The following WDR33 variants were observed in gnomAD, a reference collection of about 807,000 sequenced individuals.
WDR33 encodes pre-mRNA 3' end processing protein WDR33.
A neutral mutation model predicts 164.9 loss-of-function variants in WDR33; 47 were observed. That is an observed-to-expected ratio of 0.29 (90% confidence interval 0.23 to 0.36). The LOEUF is 0.36. Among genes scored for constraint, WDR33 ranks in the 10% least tolerant of loss-of-function variants. The probability of loss-of-function intolerance (pLI) is 1.00; values close to 1 mark genes in which losing one functional copy is unlikely to be tolerated. For synonymous variants in WDR33, 505 were observed against 589.0 expected (o/e 0.86, Z 2.06); for missense variants, 1,137 against 1,754.1 (o/e 0.65, Z 6.28).
chr2:127,723,129 ACTG>A lies in WDR33; in HGVS notation c.1292-88_1292-86del. ...TTAATGCTTTATAAAAATGAATGTC[ACTG>A]ATGATTTATAAATAAATCTACTATA... is the stretch of plus-strand genomic sequence containing the variant. On this transcript the variant is annotated intron_variant, in intron 12 of 21. Coordinates refer to ENST00000322313, the MANE Select transcript of WDR33 (RefSeq NM_018383.5). This position sits in a 1 kb window ranked among gnomAD's most constrained non-coding sequence, Gnocchi z 5.9. The A allele has an allele frequency of 7.0e-7, 1 of 1,429,488 alleles. No individual in the cohort carries two copies. 88.6% of individuals were successfully genotyped at this position (1,429,488 alleles called of 1,614,324 possible).
rs1243173873 is a variant in WDR33 at position 127,711,775 on chromosome 2, TATA to T, written c.3308+1805_3308+1807del. Among the ~76,000 whole-genome samples the T allele has an allele frequency of 5.4e-4, 54 of 99,892 alleles. 6 individuals carry two copies. Among genetic ancestry groups the T allele is most frequent in the African/African-American group, 2.2e-3 (44 of 19,698 alleles). 65.5% of individuals were successfully genotyped at this position (99,892 alleles called of 152,430 possible). On this transcript the variant is annotated intron_variant, in intron 18 of 21. Transcript: ENST00000322313. ...AGATATATATATATATATATATATA[TATA>T]TATTTTTTTTTTGAGACAGAGTCTC...
At chr2:127,791,824 C>A (rs976171845) in intron 1 of WDR33, among the ~76,000 whole-genome samples, 1 of 152,152 alleles carries the variant, frequency 6.6e-6, no homozygotes, top group African/African-American at 2.4e-5. Flanking sequence ...AACATACCTA[C>A]TACAGTTTGG....
At chr2:127,750,342 T>C (rs1262140208) in intron 7 of WDR33, among the ~76,000 whole-genome samples, 1 of 151,920 alleles carries the variant, frequency 6.6e-6, no homozygotes, top group Non-Finnish European at 1.5e-5. Context: ...ACAGACTTTT[T>C]TTGAGTCAAA....
Position 127,704,539 on chromosome 2 carries a change from A to G in WDR33, c.*1784T>C, listed in dbSNP as rs570828202. The G allele has an allele frequency of 2.4e-5, 4 of 167,138 alleles. No individual in the cohort carries two copies. The East Asian group carries it at 7.7e-4, about 32-fold the overall frequency. 10.4% of individuals were successfully genotyped at this position (167,138 alleles called of 1,614,324 possible). ...GTTGGGGGTGAGTGAAGAAATACCCATAACCTAAAGCAATCTTGAGCCTCC... is the reference window on the plus strand; with the variant it reads ...GTTGGGGGTGAGTGAAGAAATACCCGTAACCTAAAGCAATCTTGAGCCTCC... On this transcript the variant is annotated 3_prime_UTR_variant, in exon 22 of 22. Transcript: ENST00000322313.
At chr2:127,743,650 T>C (rs1039907419) in intron 7 of WDR33, among the ~76,000 whole-genome samples, 1 of 152,150 alleles carries the variant, frequency 6.6e-6, no homozygotes, top group Non-Finnish European at 1.5e-5. Context: ...TGGAAACACA[T>C]TGAGAGGCAC....
In WDR33 at chr2:127,752,028, AACAAG is replaced by A. The variant is rs1687381102; in HGVS notation, c.724+11029_724+11033del. Among the ~76,000 whole-genome samples, 3 of 152,352 alleles carry A rather than the reference AACAAG, an allele frequency of 2.0e-5. No individual in the cohort carries two copies. In the East Asian group the frequency reaches 5.8e-4, roughly 29 times the overall value. On this transcript the variant is annotated intron_variant, in intron 7 of 21. Transcript: ENST00000322313. ...CGCAGAGGGTAACAAGGAGAGTCCA[AACAAG>A]ACATTAGATTTCTATATTTGAATCT...
intron 7 of WDR33, among the ~76,000 whole-genome samples, chr2:127,732,765 A>C (rs1420198677): frequency 6.6e-6 from 1 of 152,120 alleles, no homozygotes; most frequent in Non-Finnish European, 1.5e-5. Context: ...AAGTTTCAAG[A>C]TACTGTGGGT....
rs771181221 is a variant in WDR33, at chr2:127,764,996, CATTA to C, written c.475-21_475-18del. ...GTCGTGAGCCTGTGAAAGCAGAAAA[CATTA>C]ATTAGTAAGGTGCTGCTTCAAAGAA... On this transcript the variant is annotated intron_variant, in intron 5 of 21. Transcript: ENST00000322313. The surrounding 1 kb of genome is among the most constrained non-coding windows in gnomAD (Gnocchi z 6.2). 14 of 1,611,600 alleles carry C rather than the reference CATTA, an allele frequency of 8.7e-6. No individual in the cohort carries two copies. Among genetic ancestry groups the C allele is most frequent in the Middle Eastern group, 1.6e-4 (1 of 6,076 alleles).
Position 127,764,029 on chromosome 2 carries a change from C to A in WDR33, c.626+799G>T. On this transcript the variant is annotated intron_variant, in intron 6 of 21. Coordinates refer to ENST00000322313, the MANE Select transcript of WDR33 (RefSeq NM_018383.5). The surrounding 1 kb of genome is among the most constrained non-coding windows in gnomAD (Gnocchi z 6.2). ...CCATAAAGATGTCAACCTCCTCCCA[C>A]ACATGGGTGGCACAACCTTAAAGAA... 1.0e-6 allele frequency: 1 copy of A among 986,322 alleles called. No homozygotes were observed. Among genetic ancestry groups the A allele is most frequent in the Non-Finnish European group, 1.2e-6 (1 of 830,610 alleles). The allele number at this position is 986,322 out of a possible 1,614,324, so 61.1% of individuals were successfully genotyped here.
chr2:127,737,363 ATGTG>A, intron 7 of WDR33: 1 of 985,388 alleles, frequency 1.0e-6, no homozygotes, highest in Non-Finnish European at 1.2e-6. Context: ...GTGTGTACAT[ATGTG>A]TGTGTGTATG....
In WDR33 at chr2:127,726,084, T is replaced by A. The variant is rs563222551; in HGVS notation, c.851+567A>T. ...CTTGCTCCAACCAATTCACTCTGAATATGGTTCTCTTCCCAATCAGAAAGA... is the reference window on the plus strand; with the variant it reads ...CTTGCTCCAACCAATTCACTCTGAAAATGGTTCTCTTCCCAATCAGAAAGA... On this transcript the variant is annotated intron_variant, in intron 8 of 21. Transcript: ENST00000322313. The surrounding 1 kb of genome is among the most constrained non-coding windows in gnomAD (Gnocchi z 4.8). 6.6e-6 allele frequency among the ~76,000 whole-genome samples: 1 copy of A among 152,300 alleles called. No individual in the cohort carries two copies. The highest frequency in any genetic ancestry group is 1.5e-5 in the Non-Finnish European group (1 of 68,034).
chr2:127,722,135 A>T lies in WDR33; in HGVS notation c.1519-147T>A. On this transcript the variant is annotated intron_variant, in intron 14 of 21. Coordinates refer to ENST00000322313, the MANE Select transcript of WDR33 (RefSeq NM_018383.5). The surrounding 1 kb of genome is among the most constrained non-coding windows in gnomAD (Gnocchi z 5.1). The stretch of plus-strand genomic sequence containing the variant: ...TACCTTTTCTCCATGACTCAAGTAC[A>T]TGACTCATGCTAATTCTTACTGACA... 1.1e-6 allele frequency: 1 copy of T among 915,612 alleles called. No individual in the cohort carries two copies. The highest frequency in any genetic ancestry group is 1.6e-6 in the Non-Finnish European group (1 of 623,004). 56.7% of individuals were successfully genotyped at this position (915,612 alleles called of 1,614,324 possible). A position where few individuals can be genotyped will look rare whatever the true frequency, so the allele number is the denominator to read the frequency against.
chr2:127,792,541 G>A (rs538245219), intron 1 of WDR33, among the ~76,000 whole-genome samples: 2 of 136,128 alleles, frequency 1.5e-5, no homozygotes, highest in South Asian at 2.2e-4. Flanking sequence ...TGCAGTGTGC[G>A]CCTGTAATCC....
rs578260008 is a variant in WDR33 at position 127,712,931 on chromosome 2, T to C, written c.3308+652A>G. On this transcript the variant is annotated intron_variant, in intron 18 of 21. Transcript: ENST00000322313. This position sits in a 1 kb window ranked among gnomAD's most constrained non-coding sequence, Gnocchi z 4.0. Reference sequence around the variant, plus strand: ...CACCAAACCCAGCTAATTAAAAAATTTTTTTTGTAGAGATGGAGTTACACT... The same window carrying C: ...CACCAAACCCAGCTAATTAAAAAATCTTTTTTGTAGAGATGGAGTTACACT... Among the ~76,000 whole-genome samples, 5 of 152,244 alleles carry C rather than the reference T, an allele frequency of 3.3e-5. No homozygotes were observed. In the East Asian group the frequency reaches 9.7e-4, roughly 29 times the overall value.
rs1310095637 is a variant in WDR33 at position 127,712,002 on chromosome 2, G to A, written c.3308+1581C>T. 6.6e-6 allele frequency among the ~76,000 whole-genome samples: 1 copy of A among 150,768 alleles called. No individual in the cohort carries two copies. Among genetic ancestry groups the A allele is most frequent in the African/African-American group, 2.4e-5 (1 of 40,966 alleles). On this transcript the variant is annotated intron_variant, in intron 18 of 21. Coordinates refer to ENST00000322313, the MANE Select transcript of WDR33 (RefSeq NM_018383.5). This position sits in a 1 kb window ranked among gnomAD's most constrained non-coding sequence, Gnocchi z 4.0. ...TTGGCCAGGCTGGTCTCGAACTCCT[G>A]ACCTCGTGATACACCCACCTCGGCC...
rs1385257721 is a variant in WDR33 at position 127,723,440 on chromosome 2, A to G, written c.1197-93T>C. 8 of 961,154 alleles carry G rather than the reference A, an allele frequency of 8.3e-6. No individual in the cohort carries two copies. Among genetic ancestry groups the G allele is most frequent in the Non-Finnish European group, 1.3e-5 (8 of 632,414 alleles). The allele number at this position is 961,154 out of a possible 1,614,324, so 59.5% of individuals were successfully genotyped here. ...GGCAGACCCTTGGTAAACACAACAC[A>G]TTTTTACAATTTGTTTCTTCTACAA... On this transcript the variant is annotated intron_variant, in intron 11 of 21. Transcript: ENST00000322313. This position sits in a 1 kb window ranked among gnomAD's most constrained non-coding sequence, Gnocchi z 5.9.
In WDR33 at chr2:127,708,593, T is replaced by C; in HGVS notation, c.3781+84A>G. ...GCATGTGCCTCTGCACAGCCCAGGC[T>C]GCAAGGGCATGTGCAGCAGATACAG... is the stretch of plus-strand genomic sequence containing the variant. On this transcript the variant is annotated intron_variant, in intron 21 of 21. Coordinates refer to ENST00000322313, the MANE Select transcript of WDR33 (RefSeq NM_018383.5). The surrounding 1 kb of genome is among the most constrained non-coding windows in gnomAD (Gnocchi z 6.7). 1.4e-6 allele frequency: 2 copies of C among 1,429,362 alleles called. No homozygotes were observed. The highest frequency in any genetic ancestry group is 1.9e-6 in the Non-Finnish European group (2 of 1,057,430). The allele number at this position is 1,429,362 out of a possible 1,614,324, so 88.5% of individuals were successfully genotyped here. A position where few individuals can be genotyped will look rare whatever the true frequency, so the allele number is the denominator to read the frequency against.
chr2:127,802,058 G>A (rs1241685342), intron 1 of WDR33, among the ~76,000 whole-genome samples: 1 of 151,696 alleles, frequency 6.6e-6, no homozygotes, highest in East Asian at 1.9e-4. Context: ...GCATGCACCT[G>A]TAGTCCCAGC....
chr2:127,804,574 G>A (rs1558966423), intron 1 of WDR33, among the ~76,000 whole-genome samples: 1 of 152,064 alleles, frequency 6.6e-6, no homozygotes, highest in Non-Finnish European at 1.5e-5. Context: ...CAGGAAGGGA[G>A]GAATAAAGCA....
Sources: allele counts gnomAD v4.1 joint callset (sites outside exome capture counted in the v4.1 genomes callset), GRCh38; gene constraint gnomAD v4.1.1; non-coding constraint Gnocchi (gnomAD v3.1); transcripts MANE v1.5; gene names NCBI Gene and HGNC (gene_info 2026-07-23, HGNC 2026-07-21).